The following TMEM14A variants were observed in gnomAD, a reference collection of about 807,000 sequenced individuals.
TMEM14A encodes transmembrane protein 14A.
In TMEM14A, 8 loss-of-function variants were observed where a neutral mutation model predicts 11.6. The observed-to-expected ratio is 0.69, with a 90% CI of 0.40 to 1.24. TMEM14A has a LOEUF of 1.24. TMEM14A is among the 50% of genes most tolerant of loss of function. The pLI is 0.01. For missense variants in TMEM14A, 108 were observed against 121.9 expected, an observed-to-expected ratio of 0.89 and a Z score of 0.54; for synonymous variants, 34 against 45.5, an observed-to-expected ratio of 0.75 and a Z score of 1.02.
At chr6:52,672,930 T>C (rs1769189050) in intron 1 of TMEM14A, among the ~76,000 whole-genome samples, 1 of 152,226 alleles carries the variant, frequency 6.6e-6, no homozygotes, top group African/African-American at 2.4e-5. Flanking sequence ...TGATCCTTCA[T>C]TGCCCTTAGG....
At position 52,677,073 on chromosome 6, in the gene TMEM14A, C is replaced by T. The variant is rs772075700; in HGVS notation, c.-16-14C>T. 1 of 1,612,422 alleles carries T rather than the reference C, an allele frequency of 6.2e-7. No individual in the cohort carries two copies. The highest frequency in any genetic ancestry group is 8.5e-7 in the Non-Finnish European group (1 of 1,178,478). Reference sequence around the variant, plus strand: ...TTTTATTTTGTATAATTTGTCCTTTCCCCCTTGCTTTAGAATTGCAACCTT... The same window carrying T: ...TTTTATTTTGTATAATTTGTCCTTTTCCCCTTGCTTTAGAATTGCAACCTT... On this transcript the variant is annotated splice_polypyrimidine_tract_variant and intron_variant, in intron 1 of 4. Coordinates refer to ENST00000211314, the MANE Select transcript of TMEM14A (RefSeq NM_014051.4).
chr6:52,677,284 G>A, intron 2 of TMEM14A, 112 bp downstream of exon 2: 1 of 1,160,534 alleles, frequency 8.6e-7, no homozygotes, highest in Admixed American at 1.8e-5. Flanking sequence ...CTTAGAGGTG[G>A]CTGAAGACCA....
intron 2 of TMEM14A, among the ~76,000 whole-genome samples, chr6:52,677,476 AT>A (rs34248758): frequency 2.2e-4 from 33 of 148,302 alleles, no homozygotes; most frequent in Admixed American, 3.3e-4. Context: ...TTAAATGAGG[AT>A]TTTTTTTTTT....
At chr6:52,682,665 G>A (rs3823030) in intron 3 of TMEM14A, among the ~76,000 whole-genome samples, 48,817 of 150,582 alleles carry the variant, frequency 0.32, 8,341 homozygotes, top group East Asian at 0.43. Flanking sequence ...TGTGTTAGAT[G>A]TATCAGCCAG....
At chr6:52,676,799 G>T (rs923735076) in intron 1 of TMEM14A, among the ~76,000 whole-genome samples, 1 of 152,234 alleles carries the variant, frequency 6.6e-6, no homozygotes, top group South Asian at 2.1e-4. Context: ...GCGACAGGAG[G>T]GGGAGAGCAC....
chr6:52,671,423 A>G (rs1022806174), intron 1 of TMEM14A, among the ~76,000 whole-genome samples, 178 bp downstream of exon 1: 2 of 152,164 alleles, frequency 1.3e-5, no homozygotes, highest in African/African-American at 4.8e-5. Context: ...CCTCCGCGGT[A>G]TCATTTTTCT....
intron 2 of TMEM14A, 132 bp downstream of exon 2, chr6:52,677,304 G>A (rs1405678146): frequency 2.1e-6 from 2 of 949,468 alleles, no homozygotes; most frequent in African/African-American, 1.6e-5. Context: ...AGCGTGTCTT[G>A]GAAGGGACTC....
At chr6:52,677,462 A>G (rs962316494) in intron 2 of TMEM14A, among the ~76,000 whole-genome samples, 1 of 134,592 alleles carries the variant, frequency 7.4e-6, no homozygotes, top group Non-Finnish European at 1.6e-5. Flanking sequence ...ACCACTGCTT[A>G]TTATTAAATG....
chr6:52,675,261 G>A (rs1323393760), intron 1 of TMEM14A, among the ~76,000 whole-genome samples: 1 of 152,182 alleles, frequency 6.6e-6, no homozygotes, highest in Admixed American at 6.5e-5. Context: ...GATAAGCAAT[G>A]AGAAAATTGT....
At chr6:52,680,868 T>TGC (rs1769378215) in intron 2 of TMEM14A, among the ~76,000 whole-genome samples, 1 of 148,592 alleles carries the variant, frequency 6.7e-6, no homozygotes, top group South Asian at 2.1e-4. Flanking sequence ...GGTGTGTGTG[T>TGC]GTGTGTTGTG....
At chr6:52,679,702 C>G (rs1358881475) in intron 2 of TMEM14A, among the ~76,000 whole-genome samples, 1 of 152,116 alleles carries the variant, frequency 6.6e-6, no homozygotes, top group Non-Finnish European at 1.5e-5. Context: ...TGTAAAACAG[C>G]CCACAGTCCT....
intron 3 of TMEM14A, among the ~76,000 whole-genome samples, chr6:52,682,901 A>G (rs1769418136): frequency 6.6e-6 from 1 of 152,202 alleles, no homozygotes; most frequent in East Asian, 1.9e-4. Context: ...TGCTTAGACT[A>G]TTATTTAGTC....
chr6:52,672,872 T>G (rs1204116444), intron 1 of TMEM14A, among the ~76,000 whole-genome samples: 1 of 152,208 alleles, frequency 6.6e-6, no homozygotes, highest in African/African-American at 2.4e-5. Context: ...CTACTGCAAC[T>G]GGGAAGTGCT....
At chr6:52,676,321 C>T (rs147672211) in intron 1 of TMEM14A, among the ~76,000 whole-genome samples, 26 of 152,244 alleles carry the variant, frequency 1.7e-4, no homozygotes, top group Non-Finnish European at 2.6e-4. Flanking sequence ...GGCACAATCA[C>T]GGCTCATTGC....
In TMEM14A at chr6:52,686,375, TCACATAAAGGA is replaced by T; in HGVS notation, c.*327_*337del. 2.6e-6 allele frequency: 1 copy of T among 386,262 alleles called. No homozygotes were observed. The highest frequency in any genetic ancestry group is 4.6e-6 in the Non-Finnish European group (1 of 217,344). The allele number at this position is 386,262 out of a possible 1,614,324, so 23.9% of individuals were successfully genotyped here. A position where few individuals can be genotyped will look rare whatever the true frequency, so the allele number is the denominator to read the frequency against. On this transcript the variant is annotated 3_prime_UTR_variant, in exon 5 of 5. Coordinates refer to ENST00000211314, the MANE Select transcript of TMEM14A (RefSeq NM_014051.4). ...TCAAGTAAGCTTAAACTACAACTTG[TCACATAAAGGA>T]AGTCTTAAGTGGAGTTCACAGAATG...
Sources: gnomAD v4.1 joint callset for allele counts (sites outside exome capture counted in the v4.1 genomes callset) on GRCh38, gnomAD v4.1.1 for gene constraint, MANE v1.5 for transcripts, NCBI Gene and HGNC (gene_info 2026-07-23, HGNC 2026-07-21) for gene names.